Variants in ENOX1 observed in about 807,000 individuals in gnomAD.
ENOX1 encodes the protein ecto-NOX disulfide-thiol exchanger 1.
ENOX1 carries 42 observed loss-of-function variants against 82.5 expected under a neutral mutation model. The ratio of observed to expected loss-of-function variants is 0.51; its 90% CI spans 0.40 to 0.66. The LOEUF (loss-of-function observed/expected upper bound fraction) is 0.66. Ranked by LOEUF, ENOX1 falls within the 30% of genes least tolerant of loss-of-function variation. ENOX1 has a pLI of 0.00. For synonymous variants in ENOX1, 271 were observed against 282.2 expected (o/e 0.96, Z 0.40); for missense variants, 608 against 811.6 (o/e 0.75, Z 3.05).
intron 11 of ENOX1, among the ~76,000 whole-genome samples, chr13:43,317,532 CTAT>C (rs2047572172): frequency 6.6e-6 from 1 of 151,214 alleles, no homozygotes; most frequent in East Asian, 1.9e-4. Context: ...TCAGAGAGCC[CTAT>C]TATTATTATT....
intron 2 of ENOX1, among the ~76,000 whole-genome samples, chr13:43,594,584 C>T (rs1044535989): frequency 1.4e-4 from 22 of 152,170 alleles, no homozygotes; most frequent in African/African-American, 2.9e-4. Context: ...ATATATCAGG[C>T]GCTGTGTAGC....
intron 15 of ENOX1, among the ~76,000 whole-genome samples, chr13:43,232,404 T>C (rs1026877180): frequency 1.3e-5 from 2 of 152,240 alleles, no homozygotes; most frequent in Non-Finnish European, 2.9e-5. Flanking sequence ...TTATGGTCAG[T>C]AGTTTTCAGA....
intron 2 of ENOX1, among the ~76,000 whole-genome samples, chr13:43,530,492 C>G (rs978726132): frequency 1.3e-5 from 2 of 152,010 alleles, no homozygotes; most frequent in South Asian, 4.1e-4. Flanking sequence ...TAGCAGAATG[C>G]CAACAAGCAG....
intron 1 of ENOX1, among the ~76,000 whole-genome samples, chr13:43,771,771 T>C (rs1951618871): frequency 6.6e-6 from 1 of 151,968 alleles, no homozygotes; most frequent in Admixed American, 6.6e-5. Flanking sequence ...GATATCTCTT[T>C]TTTTTTTCTT....
At chr13:43,355,757 C>G (rs2050106906) in intron 8 of ENOX1, among the ~76,000 whole-genome samples, 162 bp downstream of exon 8, 1 of 152,216 alleles carries the variant, frequency 6.6e-6, no homozygotes, top group South Asian at 2.1e-4. Flanking sequence ...AACCCCACCC[C>G]AGCTCTGTAA....
intron 5 of ENOX1, among the ~76,000 whole-genome samples, chr13:43,407,044 C>G (rs754261685): frequency 4.6e-5 from 7 of 152,218 alleles, no homozygotes; most frequent in Non-Finnish European, 7.3e-5. Flanking sequence ...TCAGCTCCTG[C>G]TTTTCAGCTC....
At chr13:43,726,581 T>G (rs936810210) in intron 1 of ENOX1, among the ~76,000 whole-genome samples, 3 of 152,164 alleles carry the variant, frequency 2.0e-5, no homozygotes, top group African/African-American at 7.2e-5. Flanking sequence ...AAAAATGAAC[T>G]GTTGGAGAAC....
chr13:43,705,148 C>T (rs970239728), intron 1 of ENOX1, among the ~76,000 whole-genome samples: 9 of 151,428 alleles, frequency 5.9e-5, no homozygotes, highest in African/African-American at 2.2e-4. Context: ...ATAGAGGAGA[C>T]AAATGGAAAC....
intron 5 of ENOX1, among the ~76,000 whole-genome samples, chr13:43,405,427 T>C (rs191316207): frequency 1.7e-4 from 26 of 152,288 alleles, no homozygotes; most frequent in Admixed American, 6.5e-4. Flanking sequence ...TCCTTCCTGC[T>C]TGCCAGGCCC....
chr13:43,410,758 ATGT>A (rs2054081743), intron 5 of ENOX1, among the ~76,000 whole-genome samples: 2 of 152,316 alleles, frequency 1.3e-5, no homozygotes, highest in East Asian at 3.8e-4. Flanking sequence ...GTGCACAGGT[ATGT>A]GGGAGTAGAA....
At chr13:43,743,977 T>C (rs1260449087) in intron 1 of ENOX1, among the ~76,000 whole-genome samples, 1 of 151,432 alleles carries the variant, frequency 6.6e-6, no homozygotes, top group African/African-American at 2.4e-5. Context: ...CTCACTCTCA[T>C]GACAATGACA....
chr13:43,413,698 T>TA (rs954109152), intron 3 of ENOX1, among the ~76,000 whole-genome samples: 2,334 of 145,296 alleles, frequency 0.016, 28 homozygotes, highest in Non-Finnish European at 0.025. Flanking sequence ...TATATATATA[T>TA]TTTTATATAT....
At chr13:43,538,587 T>C (rs1221224969) in intron 2 of ENOX1, among the ~76,000 whole-genome samples, 1 of 152,202 alleles carries the variant, frequency 6.6e-6, no homozygotes, top group African/African-American at 2.4e-5. Context: ...TAATTCCAAT[T>C]TGCTCATGTA....
At chr13:43,734,617 A>C (rs1047998943) in intron 1 of ENOX1, among the ~76,000 whole-genome samples, 3 of 152,214 alleles carry the variant, frequency 2.0e-5, no homozygotes, top group Non-Finnish European at 2.9e-5. Flanking sequence ...TGTTTTTCAG[A>C]ATACCCAGAT....
intron 1 of ENOX1, among the ~76,000 whole-genome samples, chr13:43,756,972 C>CAAAAAAAAAAAAA (rs1164153402): frequency 3.6e-5 from 1 of 28,064 alleles, no homozygotes; most frequent in Non-Finnish European, 8.2e-5. Flanking sequence ...AAAACAACAA[C>CAAAAAAAAAAAAA]AAAAAAAAAA....
At chr13:43,695,296 T>C (rs1049541149) in intron 1 of ENOX1, among the ~76,000 whole-genome samples, 1 of 151,942 alleles carries the variant, frequency 6.6e-6, no homozygotes, top group African/African-American at 2.4e-5. Flanking sequence ...ACTGCAGGGA[T>C]CTAAGTAGGG....
chr13:43,372,109 A>G (rs746110012), intron 5 of ENOX1, among the ~76,000 whole-genome samples: 2 of 152,202 alleles, frequency 1.3e-5, no homozygotes, highest in Non-Finnish European at 2.9e-5. Flanking sequence ...ACAAAGTAGT[A>G]TTTGGTTGTT....
chr13:43,406,464 C>T (rs76879652), intron 5 of ENOX1, among the ~76,000 whole-genome samples: 2,313 of 149,650 alleles, frequency 0.015, 64 homozygotes, highest in African/African-American at 0.054. Flanking sequence ...GGATGTGGCT[C>T]TATGTAGTTA....
intron 12 of ENOX1, among the ~76,000 whole-genome samples, chr13:43,284,162 T>A (rs1353341013): frequency 1.3e-5 from 2 of 152,176 alleles, no homozygotes. Flanking sequence ...GAGCTTATAG[T>A]AGTATATATT....
Sources: gnomAD v4.1 joint callset for allele counts (sites outside exome capture counted in the v4.1 genomes callset) on GRCh38, gnomAD v4.1.1 for gene constraint, MANE v1.5 for transcripts, NCBI Gene and HGNC (gene_info 2026-07-23, HGNC 2026-07-21) for gene names.